TENM2: variants seen among roughly 807,000 people sequenced by gnomAD.
TENM2 encodes the protein teneurin-2.
In TENM2, 52 loss-of-function variants were observed where a neutral mutation model predicts 245.2. The ratio of observed to expected loss-of-function variants is 0.21; its 90% CI spans 0.17 to 0.27. The LOEUF is 0.27. TENM2 is among the 10% of genes least tolerant of loss of function. TENM2 has a pLI of 1.00. For synonymous variants in TENM2, 1,363 were observed against 1,438.9 expected (o/e 0.95, Z 1.19); for missense variants, 3,046 against 3,666.8 (o/e 0.83, Z 4.37).
chr5:168,053,858 G>C (rs1789315815), intron 6 of TENM2, among the ~76,000 whole-genome samples: 1 of 152,076 alleles, frequency 6.6e-6, no homozygotes, highest in South Asian at 2.1e-4. Flanking sequence ...CGTGGGTTTT[G>C]ATCATAGATC....
At chr5:167,434,154 G>T (rs550533439) in intron 2 of TENM2, among the ~76,000 whole-genome samples, 5 of 151,990 alleles carry the variant, frequency 3.3e-5, no homozygotes, top group Non-Finnish European at 7.4e-5. Context: ...GGGCGCAGTG[G>T]CTCACGCCTG....
chr5:167,373,400 A>T (rs1760557206), intron 1 of TENM2, among the ~76,000 whole-genome samples: 1 of 152,250 alleles, frequency 6.6e-6, no homozygotes, highest in Non-Finnish European at 1.5e-5. Flanking sequence ...GAATGATCTT[A>T]ATGTAATAGA....
chr5:167,141,535 A>G, the TENM2 span, among the ~76,000 whole-genome samples: 1 of 152,172 alleles, frequency 6.6e-6, no homozygotes, highest in African/African-American at 2.4e-5. Context: ...ATATTCAGTT[A>G]TATGCTGGTA....
chr5:167,773,024 T>C (rs1763505301), intron 2 of TENM2, among the ~76,000 whole-genome samples: 1 of 152,194 alleles, frequency 6.6e-6, no homozygotes, highest in Admixed American at 6.5e-5. Context: ...TCTCTTGTGA[T>C]AAAGAGATTT....
At chr5:167,318,618 C>T (rs1171948788) in intron 1 of TENM2, among the ~76,000 whole-genome samples, 3 of 152,112 alleles carry the variant, frequency 2.0e-5, no homozygotes, top group Admixed American at 1.3e-4. Flanking sequence ...CAAAATAGGG[C>T]CTTACTGCCT....
At chr5:166,979,042 C>T in the TENM2 span, among the ~76,000 whole-genome samples, 1 of 151,808 alleles carries the variant, frequency 6.6e-6, no homozygotes, top group African/African-American at 2.4e-5. Context: ...CGCGCGAGAG[C>T]TCGCGTGCAG....
chr5:167,614,376 G>C (rs1000401916), intron 2 of TENM2, among the ~76,000 whole-genome samples: 1 of 151,984 alleles, frequency 6.6e-6, no homozygotes, highest in Non-Finnish European at 1.5e-5. Flanking sequence ...TTCACCCAGC[G>C]AGAAGGCCAA....
rs1773418135 is a variant in TENM2, at chr5:167,876,258, C to T, written c.712+63C>T. The T allele has an allele frequency of 1.3e-5, 18 of 1,360,324 alleles. No homozygotes were observed. The South Asian group carries it at 2.1e-4, about 16-fold the overall frequency. The allele number at this position is 1,360,324 out of a possible 1,614,324, so 84.3% of individuals were successfully genotyped here. On this transcript the variant is annotated intron_variant, in intron 3 of 28. Transcript: ENST00000518659. ...CGTGAGTGACATTCTTGATTCTCCA[C>T]CAAAATGACAATGCTGAAACAAGGG... is the stretch of plus-strand genomic sequence containing the variant.
chr5:167,351,215 T>C (rs1013299440), intron 1 of TENM2, among the ~76,000 whole-genome samples: 2 of 151,178 alleles, frequency 1.3e-5, no homozygotes, highest in Non-Finnish European at 2.9e-5. Context: ...GGGATATATA[T>C]ACATAAGATC....
At chr5:167,756,830 A>AC (rs1040049617) in intron 2 of TENM2, among the ~76,000 whole-genome samples, 1 of 147,180 alleles carries the variant, frequency 6.8e-6, no homozygotes, top group African/African-American at 2.5e-5. Flanking sequence ...TCCCACTCCC[A>AC]CCCCCAGCTT....
At chr5:167,342,914 G>A (rs1758213120) in intron 1 of TENM2, among the ~76,000 whole-genome samples, 1 of 151,612 alleles carries the variant, frequency 6.6e-6, no homozygotes, top group Admixed American at 6.6e-5. Flanking sequence ...TTAAGAGTAG[G>A]GAGTTATGTT....
chr5:167,293,369 T>A (rs1369023869), intron 1 of TENM2, among the ~76,000 whole-genome samples: 1 of 79,632 alleles, frequency 1.3e-5, no homozygotes. Flanking sequence ...GTCCGGCTAA[T>A]TTTTTTTTTT....
rs553732432 is a variant in TENM2 at position 168,260,563 on chromosome 5, C to T, written c.7563+150C>T. 96 of 854,996 alleles carry T rather than the reference C, an allele frequency of 1.1e-4. No homozygotes were observed. The South Asian group carries it at 1.5e-3, about 13-fold the overall frequency. The allele number at this position is 854,996 out of a possible 1,614,324, so 53.0% of individuals were successfully genotyped here. A position where few individuals can be genotyped will look rare whatever the true frequency, so the allele number is the denominator to read the frequency against. On this transcript the variant is annotated intron_variant, in intron 28 of 28. Coordinates refer to ENST00000518659, the Ensembl canonical transcript of TENM2. The stretch of plus-strand genomic sequence containing the variant: ...GACACATTGAGACTTCCCAGGAAAG[C>T]GAATGTCAGTGCTGTCGCCTGTCTG...
chr5:167,114,217 G>GTA, the TENM2 span, among the ~76,000 whole-genome samples: 12 of 152,102 alleles, frequency 7.9e-5, no homozygotes, highest in Non-Finnish European at 1.0e-4. Context: ...CGAGTTTATA[G>GTA]TATATATATA....
At chr5:167,858,748 C>T (rs1771330499) in intron 2 of TENM2, among the ~76,000 whole-genome samples, 1 of 150,840 alleles carries the variant, frequency 6.6e-6, no homozygotes, top group African/African-American at 2.4e-5. Context: ...GCCGCCCGAC[C>T]GCCGGGAGGA....
chr5:167,350,766 A>G, intron 1 of TENM2, among the ~76,000 whole-genome samples: 1 of 138,114 alleles, frequency 7.2e-6, no homozygotes, highest in Admixed American at 7.3e-5. Flanking sequence ...ACATATGGAT[A>G]TATATATATG....
intron 2 of TENM2, among the ~76,000 whole-genome samples, chr5:167,665,293 A>G (rs7712819): frequency 0.014 from 2,203 of 152,288 alleles, 51 homozygotes; most frequent in African/African-American, 0.051. Context: ...AAGTATTCTC[A>G]GTATTACCAT....
rs117070994 is a variant in TENM2 at position 167,688,800 on chromosome 5, T to C, written c.503-187186T>C. Reference sequence around the variant, plus strand: ...ACAAAATAAACACCATCTGTTAGTATTGACTTATTCCACAGCATTCTCAGG... The same window carrying C: ...ACAAAATAAACACCATCTGTTAGTACTGACTTATTCCACAGCATTCTCAGG... On this transcript the variant is annotated intron_variant, in intron 2 of 28. Transcript: ENST00000518659. 2.0e-5 allele frequency among the ~76,000 whole-genome samples: 3 copies of C among 152,344 alleles called. No homozygotes were observed. The East Asian group carries it at 5.8e-4, about 29-fold the overall frequency.
chr5:168,011,860 C>T (rs1301187935), intron 5 of TENM2, among the ~76,000 whole-genome samples: 1 of 152,162 alleles, frequency 6.6e-6, no homozygotes, highest in African/African-American at 2.4e-5. Flanking sequence ...TATGAAAAAC[C>T]TACTATGTGC....
Sources: gnomAD v4.1 joint callset for allele counts (sites outside exome capture counted in the v4.1 genomes callset) on GRCh38, gnomAD v4.1.1 for gene constraint, MANE v1.5 for transcripts, NCBI Gene and HGNC (gene_info 2026-07-23, HGNC 2026-07-21) for gene names.